RGL3: variants seen among roughly 807,000 people sequenced by gnomAD.
The protein encoded by RGL3 is ral guanine nucleotide dissociation stimulator-like 3.
A neutral mutation model predicts 90.6 loss-of-function variants in RGL3; 85 were observed. That is an observed-to-expected ratio of 0.94 (90% CI 0.79 to 1.12). The LOEUF is 1.12. RGL3 is among the 50% of genes most tolerant of loss of function. The pLI is 0.00. For missense variants in RGL3, 1,034 were observed against 939.2 expected (o/e 1.10, Z -1.32); for synonymous variants, 408 against 385.5 (o/e 1.06, Z -0.68).
chr19:11,397,775 G>A lies in RGL3; in HGVS notation c.1747-178C>T, dbSNP rs1375336984. 27 of 555,770 alleles carry A rather than the reference G, an allele frequency of 4.9e-5. No homozygotes were observed. The East Asian group carries it at 6.8e-4, about 14-fold the overall frequency. The allele number at this position is 555,770 out of a possible 1,614,324, so 34.4% of individuals were successfully genotyped here. A position where few individuals can be genotyped will look rare whatever the true frequency, so the allele number is the denominator to read the frequency against. On this transcript the variant is annotated intron_variant, in intron 16 of 18. Coordinates refer to ENST00000380456, the MANE Select transcript of RGL3 (RefSeq NM_001035223.4). ...TGTAATCTCAGCATTTTGGGAGGCC[G>A]AGGTGGGCGGATCACTTGAGGTCGG...
At chr19:11,402,816 G>C in intron 9 of RGL3, 110 bp from the exon 10 acceptor site, 1 of 961,822 alleles carries the variant, frequency 1.0e-6, no homozygotes, top group Non-Finnish European at 1.6e-6. Context: ...GTAATCAAAA[G>C]TCAGTGGTAG....
intron 16 of RGL3, among the ~76,000 whole-genome samples, chr19:11,398,517 T>C (rs1026593766): frequency 1.3e-5 from 2 of 151,920 alleles, no homozygotes; most frequent in Non-Finnish European, 2.9e-5. Flanking sequence ...AGCTAATGTT[T>C]TTATTTTTAG....
At chr19:11,414,637 G>T (rs1599444044) in intron 5 of RGL3, among the ~76,000 whole-genome samples, 1 of 149,322 alleles carries the variant, frequency 6.7e-6, no homozygotes, top group Non-Finnish European at 1.5e-5. Context: ...GAGATTAAGC[G>T]ATGGGGATTA....
At chr19:11,404,032 C>T (rs1375622099) in intron 9 of RGL3, among the ~76,000 whole-genome samples, 1 of 152,162 alleles carries the variant, frequency 6.6e-6, no homozygotes, top group Non-Finnish European at 1.5e-5. Context: ...CAGACGTGCA[C>T]CACAAACGCC....
intron 2 of RGL3, 62 bp from the exon 3 acceptor site, chr19:11,417,121 A>T: frequency 1.7e-6 from 2 of 1,180,910 alleles, no homozygotes; most frequent in Non-Finnish European, 2.4e-6. Context: ...CCCCTTCTCT[A>T]GTCACATTCA....
chr19:11,411,095 G>C lies in RGL3; in HGVS notation c.638-4231C>G, dbSNP rs1291724730. Among the ~76,000 whole-genome samples the C allele has an allele frequency of 2.0e-5, 3 of 151,108 alleles. No homozygotes were observed. The East Asian group carries it at 5.9e-4, about 30-fold the overall frequency. On this transcript the variant is annotated intron_variant, in intron 5 of 18. Coordinates refer to ENST00000380456, the MANE Select transcript of RGL3 (RefSeq NM_001035223.4). ...GTGTTGGTGGGCACCTGTAAACTCA[G>C]CTACTCAGGAGGCTGAGCCAGGAGA...
intron 11 of RGL3, 76 bp downstream of exon 11, chr19:11,402,379 A>G: frequency 1.3e-6 from 2 of 1,566,176 alleles, no homozygotes; most frequent in South Asian, 2.3e-5. Flanking sequence ...GGTAGGATCA[A>G]GGGTGGATAT....
chr19:11,398,092 T>C (rs1032752517), intron 16 of RGL3, among the ~76,000 whole-genome samples: 7 of 152,130 alleles, frequency 4.6e-5, no homozygotes, highest in African/African-American at 1.7e-4. Flanking sequence ...GCCTGGGACA[T>C]GCAACTGGAG....
Position 11,415,966 on chromosome 19 carries a change from T to C in RGL3, c.608A>G (p.Gln203Arg). The C allele has an allele frequency of 6.2e-7, 1 of 1,613,956 alleles. No individual in the cohort carries two copies. The highest frequency in any genetic ancestry group is 8.5e-7 in the Non-Finnish European group (1 of 1,179,928). ...EDFLEEAERE[Q>R]EEEPPQVWTG... ...CCACACCTGAGGCGGCTCCTCTTCC[T>C]GCTCTCGCTCAGCCTCCTCCAAAAA... Residue 203 changes from glutamine to arginine, a missense_variant, in exon 5 of 19, where the codon CAG (glutamine) becomes CGG (arginine). Transcript: ENST00000380456.
chr19:11,395,610 C>T (rs1389324462), intron 18 of RGL3, among the ~76,000 whole-genome samples: 1 of 152,120 alleles, frequency 6.6e-6, no homozygotes, highest in Non-Finnish European at 1.5e-5. Flanking sequence ...TCCCTTCTCT[C>T]ACTCGACCCT....
chr19:11,395,184 A>T (rs1019828968), intron 18 of RGL3, among the ~76,000 whole-genome samples: 2 of 151,630 alleles, frequency 1.3e-5, no homozygotes, highest in Middle Eastern at 3.5e-3. Flanking sequence ...CCGCCAAACA[A>T]CTTCCTGCTC....
At chr19:11,405,016 T>C in intron 9 of RGL3, 131 bp downstream of exon 9, 1 of 776,514 alleles carries the variant, frequency 1.3e-6, no homozygotes. Context: ...GGGACAAGGA[T>C]AAGGTCATTG....
intron 5 of RGL3, 96 bp from the exon 6 acceptor site, chr19:11,406,960 C>T (rs779094798): frequency 1.3e-5 from 16 of 1,263,318 alleles, no homozygotes; most frequent in Non-Finnish European, 1.7e-5. Flanking sequence ...GGCTCACTTT[C>T]CTCATTTGTA....
chr19:11,402,116 G>C lies in RGL3; in HGVS notation c.1379C>G (p.Ala460Gly), dbSNP rs780366152. Residue 460 changes from alanine to glycine, a missense_variant, in exon 13 of 19, where the codon GCC becomes GGC. Ala to Gly is a moderately conservative substitution (Grantham distance 60). Coordinates refer to ENST00000380456, the MANE Select transcript of RGL3 (RefSeq NM_001035223.4). ...EKRRKEWEIL[A>G]RIQQLQRRCQ... ...GCGCCTCTGCAGCTGCTGGATGCGGGCCAGGATCTCCCACTCCTGGAGGAC... is the reference window on the plus strand; with the variant it reads ...GCGCCTCTGCAGCTGCTGGATGCGGCCCAGGATCTCCCACTCCTGGAGGAC... 1.2e-6 allele frequency: 2 copies of C among 1,606,330 alleles called. No homozygotes were observed. Among genetic ancestry groups the C allele is most frequent in the African/African-American group, 2.7e-5 (2 of 74,788 alleles).
Position 11,398,890 on chromosome 19 carries a change from C to T in RGL3, c.1746+965G>A, listed in dbSNP as rs186563918. ...TTCACCACGTTGGCCAGGATGGTCT[C>T]GATCTCTTGACCTCGTGATCCGCCC... On this transcript the variant is annotated intron_variant, in intron 16 of 18. Coordinates refer to ENST00000380456, the MANE Select transcript of RGL3 (RefSeq NM_001035223.4). Among the ~76,000 whole-genome samples, 110 of 150,836 alleles carry T rather than the reference C, an allele frequency of 7.3e-4. 1 individual carries two copies. Among genetic ancestry groups the T allele is most frequent in the Non-Finnish European group, 5.0e-4 (34 of 67,774 alleles).
chr19:11,415,628 A>G, intron 5 of RGL3, among the ~76,000 whole-genome samples: 1 of 152,100 alleles, frequency 6.6e-6, no homozygotes. Context: ...GACATGCCCC[A>G]CCACGCCCGG....
intron 5 of RGL3, among the ~76,000 whole-genome samples, chr19:11,414,166 T>C (rs760230241): frequency 0.014 from 1,535 of 112,516 alleles, 64 homozygotes; most frequent in East Asian, 0.051. Flanking sequence ...TATATATATA[T>C]ATATATATAT....
chr19:11,398,891 G>A (rs573683733), intron 16 of RGL3, among the ~76,000 whole-genome samples: 3 of 150,872 alleles, frequency 2.0e-5, no homozygotes, highest in East Asian at 2.0e-4. Context: ...GGATGGTCTC[G>A]ATCTCTTGAC....
chr19:11,418,422 T>C (rs1412029206), intron 2 of RGL3: 3 of 563,294 alleles, frequency 5.3e-6, no homozygotes, highest in Non-Finnish European at 9.4e-6. Flanking sequence ...AGTTCTGTCC[T>C]TACCAAGTTG....
Sources: allele counts gnomAD v4.1 joint callset (sites outside exome capture counted in the v4.1 genomes callset), GRCh38; gene constraint gnomAD v4.1.1; transcripts MANE v1.5; gene names NCBI Gene and HGNC (gene_info 2026-07-23, HGNC 2026-07-21).